Variants in HAUS7 observed in about 807,000 individuals in gnomAD.
The protein encoded by HAUS7 is HAUS augmin-like complex subunit 7.
Under a neutral mutation model 28.4 loss-of-function variants are expected in HAUS7, and 3 were observed. The observed-to-expected ratio is 0.11, with a 90% confidence interval of 0.05 to 0.27. The LOEUF (loss-of-function observed/expected upper bound fraction) is 0.27, where lower values mean the gene tolerates loss of function less well. Ranked by LOEUF, HAUS7 falls within the 10% of genes least tolerant of loss-of-function variation. The probability of loss-of-function intolerance (pLI) is 1.00; values close to 1 mark genes in which losing one functional copy is unlikely to be tolerated. For missense variants in HAUS7, 284 were observed against 297.3 expected (o/e 0.96, Z 0.33); for synonymous variants, 165 against 132.1 (o/e 1.25, Z -1.71).
intron 2 of HAUS7, among the ~76,000 whole-genome samples, chrX:153,467,809 T>C (rs1215513197): frequency 2.7e-5 from 3 of 112,030 alleles, no homozygotes; most frequent in Non-Finnish European, 5.6e-5. Flanking sequence ...AGGCCAAGAG[T>C]GCACCCACAG....
intron 9 of HAUS7, 96 bp downstream of exon 9, chrX:153,454,298 G>C (rs1047514150): frequency 5.8e-6 from 3 of 518,964 alleles, no homozygotes; most frequent in Non-Finnish European, 9.9e-6. Context: ...AGAAGGGGCC[G>C]GTCCCCAAAT....
chrX:153,463,319 C>A (rs1476167877), intron 3 of HAUS7, among the ~76,000 whole-genome samples: 1 of 111,661 alleles, frequency 9.0e-6, no homozygotes, highest in African/African-American at 3.3e-5. Flanking sequence ...ACTCAGTAAC[C>A]CCAGAACCAC....
At chrX:153,451,741 T>C (rs1294096175) in intron 9 of HAUS7, among the ~76,000 whole-genome samples, 1 of 111,779 alleles carries the variant, frequency 8.9e-6, no homozygotes, top group Non-Finnish European at 1.9e-5. Context: ...AAATCAGATG[T>C]CCACAAAGGC....
chrX:153,491,984 G>A (rs955287045), intron 1 of HAUS7, among the ~76,000 whole-genome samples: 1 of 112,961 alleles, frequency 8.9e-6, no homozygotes, highest in African/African-American at 3.2e-5. Flanking sequence ...CATACAGGCC[G>A]TGCTGGAAGG....
intron 3 of HAUS7, among the ~76,000 whole-genome samples, chrX:153,464,521 T>C (rs1184694701): frequency 1.8e-5 from 2 of 112,435 alleles, no homozygotes; most frequent in Middle Eastern, 4.2e-3. Context: ...TTCCACCAAC[T>C]TCTAGAGAGA....
rs1556982242 is a variant in HAUS7 at position 153,456,525 on chromosome X, G to A, written c.573C>T (p.Pro191=). Residue 191 remains proline, a synonymous_variant, in exon 6 of 10, where the codon CCC becomes CCT. Coordinates refer to ENST00000370211, the MANE Select transcript of HAUS7 (RefSeq NM_001385482.1). ...ECDPWPLDMQ[P]LLNKQSDDWQ... is the part of the protein sequence containing the mutation. Reference sequence around the variant, plus strand: ...AGTCATCACTCTGCTTGTTGAGGAGGGGCTGCATGTCCAGGGGCCACGGGT... The same window carrying A: ...AGTCATCACTCTGCTTGTTGAGGAGAGGCTGCATGTCCAGGGGCCACGGGT... 1.9e-5 allele frequency: 22 copies of A among 1,179,072 alleles called. No individual in the cohort carries two copies. The highest frequency in any genetic ancestry group is 2.5e-5 in the Non-Finnish European group (22 of 879,159).
At chrX:153,481,424 G>A (rs1017663952) in intron 1 of HAUS7, 1 of 755,091 alleles carries the variant, frequency 1.3e-6, no homozygotes. Flanking sequence ...CGAGGCCAGG[G>A]TGGCGGCGGC....
intron 1 of HAUS7, among the ~76,000 whole-genome samples, chrX:153,469,783 AGGACCTAG>A (rs1458908987): frequency 1.8e-5 from 2 of 111,915 alleles, no homozygotes; most frequent in African/African-American, 6.5e-5. Context: ...TTGTGGCAGC[AGGACCTAG>A]GAGCAACGCC....
rs1556984774 is a variant in HAUS7 at position 153,469,225 on chromosome X, T to C, written c.145A>G (p.Thr49Ala). ...AGTTCCTGAATTGTCTTTGGCTCTG[T>C]GATATACAGACCCTCGAGGAAGGGG... Reference protein sequence around the residue: ...NCPFLEGLYITEPKTIQELLC... With the variant: ...NCPFLEGLYIAEPKTIQELLC... The change falls in exon 2 of 10, where the codon ACA becomes GCA. Residue 49 changes from threonine (T) to alanine (A), a missense_variant. Coordinates refer to ENST00000370211, the MANE Select transcript of HAUS7 (RefSeq NM_001385482.1). The C allele has an allele frequency of 1.0e-5, 12 of 1,189,436 alleles. No individual in the cohort carries two copies. Among genetic ancestry groups the C allele is most frequent in the Non-Finnish European group, 1.4e-5 (12 of 875,137 alleles).
At chrX:153,488,868 C>T (rs146698741) in intron 1 of HAUS7, among the ~76,000 whole-genome samples, 1,899 of 113,110 alleles carry the variant, frequency 0.017, 44 homozygotes, top group African/African-American at 0.058. Context: ...AGGGGAGGGG[C>T]CCCTCAGCTG....
intron 1 of HAUS7, chrX:153,486,128 G>A (rs1205422659): frequency 5.9e-5 from 52 of 886,470 alleles, no homozygotes; most frequent in Non-Finnish European, 7.2e-5. Flanking sequence ...CCACACCTGT[G>A]GCCGTCTCCA....
upstream of HAUS7, among the ~76,000 whole-genome samples, chrX:153,473,579 G>A (rs143740397): frequency 3.7e-3 from 422 of 112,995 alleles, no homozygotes; most frequent in Non-Finnish European, 5.8e-3. Context: ...AAGTGTGTGC[G>A]TGTGTGTGCG....
intron 1 of HAUS7, chrX:153,486,062 C>G: frequency 1.0e-6 from 1 of 960,846 alleles, no homozygotes; most frequent in Middle Eastern, 4.2e-4. Context: ...CCTCAAGGGA[C>G]TGCAGGTGCT....
At position 153,454,422 on chromosome X, in the gene HAUS7, C is replaced by G. The variant is rs143828088; in HGVS notation, c.1017G>C (p.Trp339Cys). The stretch of plus-strand genomic sequence containing the variant: ...GACTCATGACGGAGCTGCTGCCACC[C>G]CAGCAGATCTGCTCGCCTTGCTGCT... ...VKKQQGEQIC[W>C]GGSSSVMSLA... is the part of the protein sequence containing the mutation. The change falls in exon 9 of 10, where the codon TGG (tryptophan) becomes TGC (cysteine). Residue 339 changes from tryptophan to cysteine, a missense_variant. By Grantham distance (215) the Trp-to-Cys change is radical. Transcript: ENST00000370211. The G allele has an allele frequency of 1.7e-6, 2 of 1,196,770 alleles. No homozygotes were observed. Among genetic ancestry groups the G allele is most frequent in the East Asian group, 5.9e-5 (2 of 33,726 alleles).
chrX:153,470,734 C>G, upstream of HAUS7: 1 of 641,299 alleles, frequency 1.6e-6, no homozygotes. Context: ...CCCCCCGCCC[C>G]GGCACCACCC....
chrX:153,458,653 T>C (rs1482580328), intron 4 of HAUS7, among the ~76,000 whole-genome samples: 2 of 112,159 alleles, frequency 1.8e-5, no homozygotes, highest in Admixed American at 9.4e-5. Context: ...TGTGTTGACA[T>C]CTTTCAGGAA....
At chrX:153,485,648 G>A (rs1305435092) in intron 1 of HAUS7, 5 of 345,698 alleles carry the variant, frequency 1.4e-5, no homozygotes, top group Non-Finnish European at 1.9e-5. Flanking sequence ...TCGGGTTGCG[G>A]CTGCCATCTC....
At chrX:153,462,528 C>G in intron 4 of HAUS7, 82 bp downstream of exon 4, 2 of 807,770 alleles carry the variant, frequency 2.5e-6, no homozygotes, top group Non-Finnish European at 3.7e-6. Flanking sequence ...AAAATCCTCC[C>G]ACCTCAGCCA....
rs59420056 is a variant in HAUS7, at chrX:153,486,725, G to A, written c.-589+8649C>T. The A allele has an allele frequency of 0.014, 13,781 of 980,491 alleles. 1,187 individuals are homozygous for A. The African/African-American group carries it at 0.24, about 17-fold the overall frequency. The allele number at this position is 980,491 out of a possible 1,213,427, so 80.8% of individuals were successfully genotyped here. The stretch of plus-strand genomic sequence containing the variant: ...GAGAACAACCTCATTGACCGGCGCC[G>A]CATCCCGCCCACTGCCTTCTCCTGC... On this transcript the variant is annotated intron_variant, in intron 1 of 5. Transcript: ENST00000370210.
Sources: allele counts gnomAD v4.1 joint callset (sites outside exome capture counted in the v4.1 genomes callset), GRCh38; gene constraint gnomAD v4.1.1; transcripts MANE v1.5; gene names NCBI Gene and HGNC (gene_info 2026-07-23, HGNC 2026-07-21).